The following SLCO3A1 variants were observed in gnomAD, a reference collection of about 807,000 sequenced individuals.
SLCO3A1 encodes solute carrier organic anion transporter family member 3A1.
In SLCO3A1, 27 loss-of-function variants were observed where a neutral mutation model predicts 63.1. That is an observed-to-expected ratio of 0.43 (90% CI 0.32 to 0.59). SLCO3A1 has a LOEUF of 0.59. Among genes scored for constraint, SLCO3A1 ranks in the 20% least tolerant of loss-of-function variants. SLCO3A1 has a pLI of 0.09. For missense variants in SLCO3A1, 773 were observed against 945.8 expected (o/e 0.82, Z 2.40); for synonymous variants, 473 against 409.9 (o/e 1.15, Z -1.86).
chr15:92,122,583 A>T (rs919691641), intron 5 of SLCO3A1, among the ~76,000 whole-genome samples: 2 of 151,444 alleles, frequency 1.3e-5, no homozygotes, highest in African/African-American at 4.9e-5. Context: ...ACTTTGGAAA[A>T]CTCTTTGGCT....
At chr15:91,974,455 TG>T (rs1324255981) in intron 2 of SLCO3A1, among the ~76,000 whole-genome samples, 1 of 152,038 alleles carries the variant, frequency 6.6e-6, no homozygotes, top group Admixed American at 6.6e-5. Flanking sequence ...CACCTTGGCC[TG>T]GAGAAACAGA....
intron 9 of SLCO3A1, among the ~76,000 whole-genome samples, chr15:92,159,798 T>C (rs920350777): frequency 2.0e-5 from 3 of 152,150 alleles, no homozygotes; most frequent in African/African-American, 7.2e-5. Context: ...TATGCCCTAC[T>C]TAGAAGACAA....
chr15:92,111,901 A>G (rs954494464), intron 4 of SLCO3A1, among the ~76,000 whole-genome samples: 3 of 152,224 alleles, frequency 2.0e-5, no homozygotes, highest in African/African-American at 4.8e-5. Context: ...ATGGCCAAAT[A>G]ACTTTGGGAA....
chr15:91,938,490 T>G (rs1259899408), intron 2 of SLCO3A1, among the ~76,000 whole-genome samples: 4 of 151,882 alleles, frequency 2.6e-5, no homozygotes, highest in African/African-American at 7.3e-5. Flanking sequence ...TTGTTTTTTT[T>G]TTTTTTTGGT....
At chr15:91,990,650 GAA>G (rs74612884) in intron 2 of SLCO3A1, among the ~76,000 whole-genome samples, 4 of 144,466 alleles carry the variant, frequency 2.8e-5, no homozygotes, top group Non-Finnish European at 6.1e-5. Flanking sequence ...TCAGCCTCAA[GAA>G]AAAAAAAAAA....
At chr15:92,014,245 G>T (rs978195755) in intron 2 of SLCO3A1, among the ~76,000 whole-genome samples, 1 of 152,108 alleles carries the variant, frequency 6.6e-6, no homozygotes, top group Non-Finnish European at 1.5e-5. Flanking sequence ...AGTTCACTGG[G>T]CCACGGGGGC....
chr15:92,172,215 T>G (rs2151610332), exon 11 of SLCO3A1: 1 of 202,264 alleles, frequency 4.9e-6, no homozygotes, highest in Admixed American at 5.7e-5. Flanking sequence ...CTCCTCTGAC[T>G]GAGGGCTCCA....
intron 2 of SLCO3A1, among the ~76,000 whole-genome samples, chr15:91,993,603 A>G (rs770926167): frequency 2.0e-5 from 3 of 152,210 alleles, no homozygotes; most frequent in Non-Finnish European, 4.4e-5. Flanking sequence ...GAATGCAGGC[A>G]TAGTGAAGAT....
At chr15:92,145,061 A>C (rs2048202654) in intron 7 of SLCO3A1, among the ~76,000 whole-genome samples, 1 of 152,146 alleles carries the variant, frequency 6.6e-6, no homozygotes, top group African/African-American at 2.4e-5. Context: ...TGGAGCTTTG[A>C]AGCCAAACAA....
intron 2 of SLCO3A1, among the ~76,000 whole-genome samples, chr15:92,018,410 C>T (rs893032779): frequency 1.3e-5 from 2 of 152,178 alleles, no homozygotes; most frequent in Non-Finnish European, 2.9e-5. Context: ...CTCCACAGAA[C>T]ATGGTGCTCC....
intron 2 of SLCO3A1, among the ~76,000 whole-genome samples, chr15:91,952,136 T>C (rs1181687756): frequency 6.6e-6 from 1 of 152,234 alleles, no homozygotes; most frequent in Non-Finnish European, 1.5e-5. Context: ...CATCATTTCA[T>C]GTGCTTATCG....
chr15:91,901,432 A>G (rs7182904), intron 1 of SLCO3A1, among the ~76,000 whole-genome samples: 67,047 of 152,024 alleles, frequency 0.44, 16,601 homozygotes, highest in East Asian at 0.78. Flanking sequence ...AACTTTTCTG[A>G]TGTTCTTTAT....
chr15:92,008,161 C>A (rs1360899095), intron 2 of SLCO3A1, among the ~76,000 whole-genome samples: 3 of 152,076 alleles, frequency 2.0e-5, no homozygotes, highest in African/African-American at 7.2e-5. Context: ...TTTCTTCCTG[C>A]AAACACATAC....
intron 3 of SLCO3A1, 93 bp from the exon 4 acceptor site, chr15:92,104,186 T>A: frequency 7.0e-7 from 1 of 1,431,182 alleles, no homozygotes. Flanking sequence ...CTAGAGCCCT[T>A]GCCCTCTCTG....
chr15:92,013,994 C>T (rs72755701), intron 2 of SLCO3A1, among the ~76,000 whole-genome samples: 5,942 of 152,218 alleles, frequency 0.039, 194 homozygotes, highest in Non-Finnish European at 0.055. Context: ...GACCTCCCCT[C>T]GCGTGGTCAC....
chr15:91,888,197 G>A (rs1897774917), intron 1 of SLCO3A1, among the ~76,000 whole-genome samples: 1 of 152,186 alleles, frequency 6.6e-6, no homozygotes, highest in South Asian at 2.1e-4. Flanking sequence ...TCAGGAGCTG[G>A]AAGTCAATAC....
chr15:91,893,857 A>G (rs76041522), intron 1 of SLCO3A1, among the ~76,000 whole-genome samples: 5,764 of 152,284 alleles, frequency 0.038, 209 homozygotes, highest in Admixed American at 0.079. Context: ...CAATCAGCAA[A>G]GATAAAGTCT....
chr15:92,141,183 C>G (rs1034917119), intron 7 of SLCO3A1, among the ~76,000 whole-genome samples: 1 of 152,172 alleles, frequency 6.6e-6, no homozygotes, highest in African/African-American at 2.4e-5. Flanking sequence ...AGAGAATTCA[C>G]CTCTCGCAGA....
intron 2 of SLCO3A1, among the ~76,000 whole-genome samples, chr15:91,940,021 T>A: frequency 6.6e-6 from 1 of 152,112 alleles, no homozygotes. Flanking sequence ...CCCCTACCAT[T>A]TGCACCGGGA....
Sources: allele counts gnomAD v4.1 joint callset (sites outside exome capture counted in the v4.1 genomes callset), GRCh38; gene constraint gnomAD v4.1.1; transcripts MANE v1.5; gene names NCBI Gene and HGNC (gene_info 2026-07-23, HGNC 2026-07-21).